Variants in PPP1R14C observed in about 807,000 individuals in gnomAD.
The protein encoded by PPP1R14C is protein phosphatase 1 regulatory inhibitor subunit 14C.
In PPP1R14C, 16 loss-of-function variants were observed where a neutral mutation model predicts 20.4. The observed-to-expected ratio is 0.78, with a 90% CI of 0.53 to 1.19. The LOEUF (loss-of-function observed/expected upper bound fraction) is 1.19. Ranked by LOEUF, PPP1R14C falls within the 50% of genes most tolerant of loss-of-function variation. PPP1R14C has a pLI of 0.00. For synonymous variants in PPP1R14C, 91 were observed against 91.0 expected, an observed-to-expected ratio of 1.00 and a Z score of 0.00; for missense variants, 211 against 220.1, an observed-to-expected ratio of 0.96 and a Z score of 0.26.
intron 1 of PPP1R14C, among the ~76,000 whole-genome samples, chr6:150,146,931 TA>T (rs1039910778): frequency 2.6e-5 from 4 of 152,154 alleles, no homozygotes; most frequent in African/African-American, 9.7e-5. Flanking sequence ...CCACGTCAAA[TA>T]GCCTTTTGAA....
chr6:150,158,933 C>T (rs1265798628), intron 1 of PPP1R14C, among the ~76,000 whole-genome samples: 1 of 152,178 alleles, frequency 6.6e-6, no homozygotes, highest in African/African-American at 2.4e-5. Flanking sequence ...GAGGAAGCAG[C>T]CATAACACTT....
intron 3 of PPP1R14C, among the ~76,000 whole-genome samples, chr6:150,245,745 G>C (rs1385030171): frequency 6.6e-6 from 1 of 152,172 alleles, no homozygotes; most frequent in Admixed American, 6.5e-5. Context: ...AGCCATCAAA[G>C]TATTCTTGAC....
intron 3 of PPP1R14C, among the ~76,000 whole-genome samples, chr6:150,233,454 AC>A (rs1232492989): frequency 6.6e-6 from 1 of 152,190 alleles, no homozygotes; most frequent in African/African-American, 2.4e-5. Flanking sequence ...ACCCCCAAAC[AC>A]TTCTAATATT....
intron 1 of PPP1R14C, among the ~76,000 whole-genome samples, chr6:150,197,810 CCCCTGCCCTTCACGGTGGAGGAGG>C (rs1777824811): frequency 8.3e-5 from 12 of 144,678 alleles, no homozygotes; most frequent in Non-Finnish European, 1.4e-4. Flanking sequence ...GCTTTGTGTG[CCCCTGCCCTTCACGGTGGAGGAGG>C]GCCTGGATGC....
chr6:150,151,159 T>A (rs1777242993), intron 1 of PPP1R14C, among the ~76,000 whole-genome samples: 1 of 152,162 alleles, frequency 6.6e-6, no homozygotes, highest in South Asian at 2.1e-4. Context: ...TTAGCCCTGA[T>A]CTGTTTTCTG....
rs1383911794 is a variant in PPP1R14C, at chr6:150,191,172, A to G, written c.307-23572A>G. 4.6e-5 allele frequency among the ~76,000 whole-genome samples: 7 copies of G among 152,208 alleles called. No individual in the cohort carries two copies. The South Asian group carries it at 1.2e-3, about 27-fold the overall frequency. On this transcript the variant is annotated intron_variant, in intron 1 of 3. Transcript: ENST00000361131. ...CCTCCCTCACCTTCAGGACCTTATC[A>G]TACGTCAGGCTCCCAGTGAACCTTC... is the stretch of plus-strand genomic sequence containing the variant.
rs1035331576 is a variant in PPP1R14C, at chr6:150,249,980, A to G, written c.*1160A>G. 5.2e-5 allele frequency: 8 copies of G among 154,700 alleles called. No homozygotes were observed. Among genetic ancestry groups the G allele is most frequent in the Admixed American group, 3.3e-4 (5 of 15,332 alleles). The allele number at this position is 154,700 out of a possible 1,614,324, so 9.6% of individuals were successfully genotyped here. A position where few individuals can be genotyped will look rare whatever the true frequency, so the allele number is the denominator to read the frequency against. On this transcript the variant is annotated 3_prime_UTR_variant, in exon 4 of 4. Coordinates refer to ENST00000361131, the MANE Select transcript of PPP1R14C (RefSeq NM_030949.3). ...TGGGTGCTCCTGGCCCTAATTGTGC[A>G]CCCTGATCCCCGTGCTTGGAGCTAG... is the stretch of plus-strand genomic sequence containing the variant.
At chr6:150,216,652 T>C (rs1365936578) in intron 2 of PPP1R14C, among the ~76,000 whole-genome samples, 172 bp from the exon 3 acceptor site, 1 of 152,260 alleles carries the variant, frequency 6.6e-6, no homozygotes, top group Non-Finnish European at 1.5e-5. Flanking sequence ...AAACGTTTTC[T>C]ATCTTCAGAC....
At chr6:150,239,370 C>T (rs2114930852) in intron 3 of PPP1R14C, among the ~76,000 whole-genome samples, 1 of 152,234 alleles carries the variant, frequency 6.6e-6, no homozygotes, top group Admixed American at 6.5e-5. Context: ...TCAAGCCATA[C>T]AAAGTGTGTT....
At chr6:150,238,194 A>T (rs1369894831) in intron 3 of PPP1R14C, among the ~76,000 whole-genome samples, 1 of 152,262 alleles carries the variant, frequency 6.6e-6, no homozygotes, top group Non-Finnish European at 1.5e-5. Flanking sequence ...CAGTGTAGAA[A>T]ATAGATACTG....
At chr6:150,202,022 T>C (rs1777883859) in intron 1 of PPP1R14C, among the ~76,000 whole-genome samples, 1 of 152,204 alleles carries the variant, frequency 6.6e-6, no homozygotes, top group Non-Finnish European at 1.5e-5. Context: ...AAATGACTTT[T>C]TATTTTGGAC....
At position 150,218,398 on chromosome 6, in the gene PPP1R14C, G is replaced by A. The variant is rs576421445; in HGVS notation, c.423+1542G>A. ...AGCCTGGGCGACAGAGCGAGACTCC[G>A]TCTCAGAAAAAAAAAGAAAAAAGAA... On this transcript the variant is annotated intron_variant, in intron 3 of 3. Transcript: ENST00000361131. 7.3e-4 allele frequency among the ~76,000 whole-genome samples: 109 copies of A among 149,268 alleles called. 1 individual carries two copies. The highest frequency in any genetic ancestry group is 2.6e-3 in the South Asian group (12 of 4,686).
intron 1 of PPP1R14C, among the ~76,000 whole-genome samples, chr6:150,157,497 G>C (rs982162268): frequency 6.6e-6 from 1 of 152,214 alleles, no homozygotes; most frequent in Non-Finnish European, 1.5e-5. Context: ...TGCCCTGATT[G>C]AGAGGATGTC....
At chr6:150,223,912 A>G (rs1385945508) in intron 3 of PPP1R14C, among the ~76,000 whole-genome samples, 1 of 152,208 alleles carries the variant, frequency 6.6e-6, no homozygotes, top group Non-Finnish European at 1.5e-5. Flanking sequence ...TTGTATCTAC[A>G]AATCACTGGA....
At chr6:150,212,299 T>G (rs1313715217) in intron 1 of PPP1R14C, among the ~76,000 whole-genome samples, 1 of 152,188 alleles carries the variant, frequency 6.6e-6, no homozygotes, top group African/African-American at 2.4e-5. Context: ...TTTTAATGTA[T>G]TCAAATGTGC....
chr6:150,240,784 C>A (rs1385575833), intron 3 of PPP1R14C, among the ~76,000 whole-genome samples: 1 of 152,158 alleles, frequency 6.6e-6, no homozygotes, highest in Non-Finnish European at 1.5e-5. Context: ...TCAGTCTGTG[C>A]AAACCAGCCT....
At chr6:150,166,049 G>C (rs1777418305) in intron 1 of PPP1R14C, among the ~76,000 whole-genome samples, 2 of 151,730 alleles carry the variant, frequency 1.3e-5, no homozygotes, top group Admixed American at 6.6e-5. Context: ...TATACCATGT[G>C]TCACATGCCA....
chr6:150,204,709 G>A (rs1053806679), intron 1 of PPP1R14C, among the ~76,000 whole-genome samples: 4 of 152,282 alleles, frequency 2.6e-5, no homozygotes, highest in East Asian at 1.9e-4. Context: ...CAGCTCTCAC[G>A]GGTTGTCAGA....
At chr6:150,174,711 T>C (rs1200954865) in intron 1 of PPP1R14C, among the ~76,000 whole-genome samples, 1 of 150,540 alleles carries the variant, frequency 6.6e-6, no homozygotes, top group African/African-American at 2.4e-5. Context: ...ACGCCTGTAA[T>C]CCCAGCACTT....
Sources: gnomAD v4.1 joint callset for allele counts (sites outside exome capture counted in the v4.1 genomes callset) on GRCh38, gnomAD v4.1.1 for gene constraint, MANE v1.5 for transcripts, NCBI Gene and HGNC (gene_info 2026-07-23, HGNC 2026-07-21) for gene names.